PARD3B: variants seen among roughly 807,000 people sequenced by gnomAD.
PARD3B encodes par-3 family cell polarity regulator beta.
A neutral mutation model predicts 130.2 loss-of-function variants in PARD3B; 103 were observed. The ratio of observed to expected loss-of-function variants is 0.79; its 90% CI spans 0.67 to 0.93. PARD3B has a LOEUF of 0.93. Among genes scored for constraint, PARD3B ranks in the 40% least tolerant of loss-of-function variants. The pLI is 0.00. For synonymous variants in PARD3B, 583 were observed against 553.2 expected (o/e 1.05, Z -0.76); for missense variants, 1,609 against 1,499.2 (o/e 1.07, Z -1.21).
intron 2 of PARD3B, among the ~76,000 whole-genome samples, chr2:204,690,116 C>A (rs1177845742): frequency 6.6e-6 from 1 of 152,120 alleles, no homozygotes; most frequent in Non-Finnish European, 1.5e-5. Context: ...ACCTCTGTTG[C>A]TTTCTTTTGC....
chr2:205,042,056 T>C lies in PARD3B; in HGVS notation c.395-5525T>C, dbSNP rs1040375946. On this transcript the variant is annotated intron_variant, in intron 3 of 22. Transcript: ENST00000406610. ...CTTATAGAGGTAGCACCTTACATTT[T>C]TGTTGGTCTTTATATCTTGCATGAT... 5.3e-5 allele frequency among the ~76,000 whole-genome samples: 8 copies of C among 152,182 alleles called. No homozygotes were observed. The South Asian group carries it at 1.0e-3, about 20-fold the overall frequency.
Position 205,021,161 on chromosome 2 carries a change from A to C in PARD3B, c.395-26420A>C, listed in dbSNP as rs1312456064. The stretch of plus-strand genomic sequence containing the variant: ...AAATAAAGCAAATTGGAATGATTTC[A>C]TGAACCTGTGTAGAGGTCTGCAACT... On this transcript the variant is annotated intron_variant, in intron 3 of 22. Transcript: ENST00000406610. The surrounding 1 kb of genome is among the most constrained non-coding windows in gnomAD (Gnocchi z 4.5). 6.6e-6 allele frequency among the ~76,000 whole-genome samples: 1 copy of C among 152,230 alleles called. No homozygotes were observed. The highest frequency in any genetic ancestry group is 1.5e-5 in the Non-Finnish European group (1 of 68,044).
Position 205,460,222 on chromosome 2 carries a change from A to G in PARD3B, c.3044+19550A>G, listed in dbSNP as rs950870871. ...AGTAATTTTCAGATCATTTGAGTCT[A>G]AATGCAGCTTTGAGGATATGCAGTT... On this transcript the variant is annotated intron_variant, in intron 20 of 22. Transcript: ENST00000406610. This position sits in a 1 kb window ranked among gnomAD's most constrained non-coding sequence, Gnocchi z 4.9. 1.3e-5 allele frequency among the ~76,000 whole-genome samples: 2 copies of G among 152,224 alleles called. No homozygotes were observed. The highest frequency in any genetic ancestry group is 4.8e-5 in the African/African-American group (2 of 41,462).
chr2:205,301,607 A>G lies in PARD3B; in HGVS notation c.2536A>G (p.Lys846Glu), dbSNP rs779113574. Residue 846 changes from lysine to glutamate, a missense_variant, in exon 18 of 23, where the codon AAG becomes GAG. Coordinates refer to ENST00000406610, the MANE Select transcript of PARD3B (RefSeq NM_001302769.2). This position sits in a 1 kb window ranked among gnomAD's most constrained non-coding sequence, Gnocchi z 5.2. ...KTKEKEKKKE[K>E]GKLKVKEKKR... Reference sequence around the variant, plus strand: ...GAAAGAGAAGGAGAAGAAAAAGGAAAAGGGCAAATTGAAAGTCAAGGAGAA... The same window carrying G: ...GAAAGAGAAGGAGAAGAAAAAGGAAGAGGGCAAATTGAAAGTCAAGGAGAA... 3 of 1,613,922 alleles carry G rather than the reference A, an allele frequency of 1.9e-6. No homozygotes were observed. The highest frequency in any genetic ancestry group is 1.6e-4 in the Middle Eastern group (1 of 6,062).
intron 19 of PARD3B, among the ~76,000 whole-genome samples, chr2:205,432,432 G>A (rs1326934845): frequency 6.6e-6 from 1 of 152,094 alleles, no homozygotes; most frequent in African/African-American, 2.4e-5. Context: ...TCCAGGCCCT[G>A]TTTGCCCTAA....
chr2:204,632,681 A>G (rs1214286569), intron 1 of PARD3B, among the ~76,000 whole-genome samples: 5 of 151,960 alleles, frequency 3.3e-5, no homozygotes, highest in Admixed American at 6.6e-5. Context: ...TCCTGTTCCT[A>G]CGGTTGCAGA....
At chr2:204,962,299 A>G (rs1158386084) in intron 2 of PARD3B, among the ~76,000 whole-genome samples, 1 of 152,172 alleles carries the variant, frequency 6.6e-6, no homozygotes, top group Non-Finnish European at 1.5e-5. Context: ...GGAATCATCC[A>G]ATCCAACATT....
intron 15 of PARD3B, among the ~76,000 whole-genome samples, chr2:205,199,492 T>C (rs2036871768): frequency 6.6e-6 from 1 of 151,856 alleles, no homozygotes; most frequent in Non-Finnish European, 1.5e-5. Flanking sequence ...CACACATATA[T>C]ATACACACGC....
chr2:205,569,094 G>C (rs1335196895), intron 22 of PARD3B, among the ~76,000 whole-genome samples: 1 of 151,994 alleles, frequency 6.6e-6, no homozygotes, highest in Admixed American at 6.5e-5. Flanking sequence ...AAAAAGTAAC[G>C]ATTATGATCA....
At chr2:205,261,487 G>A (rs1253548077) in intron 16 of PARD3B, among the ~76,000 whole-genome samples, 3 of 152,028 alleles carry the variant, frequency 2.0e-5, no homozygotes, top group Non-Finnish European at 4.4e-5. Context: ...AGCCAGACAT[G>A]GTTTTATTTC....
intron 2 of PARD3B, among the ~76,000 whole-genome samples, chr2:204,717,810 CAGCAGTAGCACAGA>C (rs2038802931): frequency 1.3e-5 from 2 of 152,104 alleles, no homozygotes; most frequent in Admixed American, 1.3e-4. Context: ...ATGACTGGCA[CAGCAGTAGCACAGA>C]TGTGGCTGCT....
intron 2 of PARD3B, among the ~76,000 whole-genome samples, chr2:204,868,968 C>T (rs764173710): frequency 6.6e-6 from 1 of 152,170 alleles, no homozygotes; most frequent in Non-Finnish European, 1.5e-5. Context: ...CCAACTACCT[C>T]TGAAATACAT....
At chr2:204,605,332 A>T (rs561315693) in intron 1 of PARD3B, among the ~76,000 whole-genome samples, 1 of 152,334 alleles carries the variant, frequency 6.6e-6, no homozygotes, top group South Asian at 2.1e-4. Context: ...ACCATGTCAT[A>T]AATTTCTGAA....
At chr2:205,471,047 C>T (rs895455759) in intron 20 of PARD3B, among the ~76,000 whole-genome samples, 1 of 152,126 alleles carries the variant, frequency 6.6e-6, no homozygotes, top group African/African-American at 2.4e-5. Context: ...CGTTCATACC[C>T]TTTAATTCAG....
At chr2:205,112,566 A>G (rs796533658) in intron 5 of PARD3B, among the ~76,000 whole-genome samples, 2 of 152,078 alleles carry the variant, frequency 1.3e-5, no homozygotes, top group African/African-American at 4.8e-5. Flanking sequence ...CCGGCTTACA[A>G]TTTCCATAAC....
intron 1 of PARD3B, among the ~76,000 whole-genome samples, chr2:204,647,366 ATGTATTTTT>A (rs2125162847): frequency 6.6e-6 from 1 of 151,080 alleles, no homozygotes; most frequent in Admixed American, 6.6e-5. Flanking sequence ...TTTGTTATAC[ATGTATTTTT>A]TTTAATTTTG....
At chr2:204,563,872 C>T (rs1218589445) in intron 1 of PARD3B, among the ~76,000 whole-genome samples, 1 of 152,170 alleles carries the variant, frequency 6.6e-6, no homozygotes, top group African/African-American at 2.4e-5. Context: ...CTCCCGGGTT[C>T]ACGCCATTCT....
chr2:204,794,899 T>C (rs2042318877), intron 2 of PARD3B, among the ~76,000 whole-genome samples: 1 of 152,224 alleles, frequency 6.6e-6, no homozygotes, highest in Non-Finnish European at 1.5e-5. Context: ...TTCCTCTCTC[T>C]AGATAATTTA....
intron 15 of PARD3B, among the ~76,000 whole-genome samples, chr2:205,217,677 G>T (rs1362932678): frequency 6.7e-6 from 1 of 149,998 alleles, no homozygotes; most frequent in Non-Finnish European, 1.5e-5. Context: ...CTAACCTACT[G>T]GTTTTAAATT....
Sources: allele counts gnomAD v4.1 joint callset (sites outside exome capture counted in the v4.1 genomes callset), GRCh38; gene constraint gnomAD v4.1.1; non-coding constraint Gnocchi (gnomAD v3.1); transcripts MANE v1.5; gene names NCBI Gene and HGNC (gene_info 2026-07-23, HGNC 2026-07-21).